The following SH3PXD2A variants were observed in gnomAD, a reference collection of about 807,000 sequenced individuals.
The protein encoded by SH3PXD2A is SH3 and PX domains 2A, also known as SH3 and PX domain-containing protein 2A.
SH3PXD2A carries 32 observed loss-of-function variants against 115.2 expected under a neutral mutation model. That is an observed-to-expected ratio of 0.28 (90% confidence interval 0.21 to 0.37). SH3PXD2A has a LOEUF of 0.37. Among genes scored for constraint, SH3PXD2A ranks in the 10% least tolerant of loss-of-function variants. The probability of loss-of-function intolerance (pLI) is 1.00; values close to 1 mark genes in which losing one functional copy is unlikely to be tolerated. For synonymous variants in SH3PXD2A, 610 were observed against 629.1 expected, an observed-to-expected ratio of 0.97 and a Z score of 0.45; for missense variants, 1,328 against 1,498.7, an observed-to-expected ratio of 0.89 and a Z score of 1.88.
chr10:103,719,170 T>A (rs2038146079), intron 5 of SH3PXD2A, among the ~76,000 whole-genome samples: 1 of 152,234 alleles, frequency 6.6e-6, no homozygotes, highest in Admixed American at 6.5e-5. Flanking sequence ...CTGAACAGAC[T>A]GACACACACC....
chr10:103,612,754 G>T, intron 12 of SH3PXD2A, 99 bp downstream of exon 12: 2 of 756,584 alleles, frequency 2.6e-6, no homozygotes, highest in East Asian at 2.8e-5. Context: ...GGAGGAAAAC[G>T]CCATGGGGGT....
intron 11 of SH3PXD2A, among the ~76,000 whole-genome samples, chr10:103,613,729 C>A (rs113145697): frequency 2.0e-5 from 3 of 152,266 alleles, no homozygotes; most frequent in African/African-American, 7.2e-5. Context: ...GTCTCTTTTG[C>A]AAGATGCAGG....
chr10:103,624,581 A>G (rs978341933), intron 9 of SH3PXD2A, among the ~76,000 whole-genome samples: 7 of 152,214 alleles, frequency 4.6e-5, no homozygotes, highest in Non-Finnish European at 7.3e-5. Context: ...ATGAACATAC[A>G]TCAAAGTGTC....
At chr10:103,722,580 G>C (rs1370639732) in intron 5 of SH3PXD2A, among the ~76,000 whole-genome samples, 1 of 150,752 alleles carries the variant, frequency 6.6e-6, no homozygotes, top group Non-Finnish European at 1.5e-5. Flanking sequence ...GGGATTACAG[G>C]TGTGAGCCAA....
intron 5 of SH3PXD2A, among the ~76,000 whole-genome samples, chr10:103,722,043 C>T (rs767353431): frequency 2.0e-5 from 3 of 151,916 alleles, no homozygotes; most frequent in Non-Finnish European, 1.5e-5. Context: ...TTGCTTATGC[C>T]TATAATCCCA....
chr10:103,697,318 T>G (rs1175193161), intron 5 of SH3PXD2A, among the ~76,000 whole-genome samples: 2 of 152,180 alleles, frequency 1.3e-5, no homozygotes, highest in Admixed American at 1.3e-4. Flanking sequence ...TTGTCTTTGT[T>G]GTTATTCTTT....
intron 3 of SH3PXD2A, among the ~76,000 whole-genome samples, chr10:103,739,640 A>C (rs1278966467): frequency 6.6e-6 from 1 of 152,200 alleles, no homozygotes; most frequent in Non-Finnish European, 1.5e-5. Context: ...TCTTGTAAAT[A>C]TAGTGCAGCC....
At chr10:103,634,422 A>G (rs1365690799) in intron 8 of SH3PXD2A, among the ~76,000 whole-genome samples, 1 of 152,196 alleles carries the variant, frequency 6.6e-6, no homozygotes, top group Admixed American at 6.5e-5. Flanking sequence ...GACTTTATTC[A>G]CACTTCGAGG....
At chr10:103,690,245 T>C (rs1230190378) in intron 6 of SH3PXD2A, among the ~76,000 whole-genome samples, 2 of 152,110 alleles carry the variant, frequency 1.3e-5, no homozygotes, top group East Asian at 1.9e-4. Context: ...CCAGGGGAGC[T>C]TTCTAGGTGG....
chr10:103,629,009 A>G (rs2036739502), intron 8 of SH3PXD2A, among the ~76,000 whole-genome samples: 1 of 152,214 alleles, frequency 6.6e-6, no homozygotes, highest in South Asian at 2.1e-4. Flanking sequence ...ATTGGAGCCT[A>G]AGCAGGCTGG....
Position 103,596,663 on chromosome 10 carries a change from A to ACACACACACACACTCTCTCTCTCT in SH3PXD2A, c.*5152_*5153insAGAGAGAGAGAGTGTGTGTGTGTG. 4 of 124,436 alleles carry ACACACACACACACTCTCTCTCTCT rather than the reference A, an allele frequency of 3.2e-5. No homozygotes were observed. The highest frequency in any genetic ancestry group is 1.3e-4 in the African/African-American group (4 of 31,674). 7.7% of individuals were successfully genotyped at this position (124,436 alleles called of 1,614,324 possible). ...CACACACACACACACACACACACAC[A>ACACACACACACACTCTCTCTCTCT]CTCTCTCTCTCTCTCTCTCTCTCAC... is the stretch of plus-strand genomic sequence containing the variant. On this transcript the variant is annotated 3_prime_UTR_variant, in exon 15 of 15. Transcript: ENST00000369774.
At chr10:103,796,125 C>G (rs529844258) in intron 2 of SH3PXD2A, among the ~76,000 whole-genome samples, 3 of 151,670 alleles carry the variant, frequency 2.0e-5, no homozygotes, top group African/African-American at 7.3e-5. Context: ...TTTGGAAGAC[C>G]GAGGCGGAAG....
chr10:103,843,887 A>G (rs770747040), intron 1 of SH3PXD2A, among the ~76,000 whole-genome samples: 26 of 152,130 alleles, frequency 1.7e-4, no homozygotes, highest in Non-Finnish European at 3.1e-4. Context: ...AACACAGATG[A>G]TGACCAGGGT....
At chr10:103,712,115 G>A (rs1031871023) in intron 5 of SH3PXD2A, among the ~76,000 whole-genome samples, 6 of 152,012 alleles carry the variant, frequency 3.9e-5, no homozygotes, top group African/African-American at 1.4e-4. Context: ...AAGGGAGATG[G>A]AACTGCTCTA....
intron 3 of SH3PXD2A, among the ~76,000 whole-genome samples, chr10:103,762,789 C>T (rs898899572): frequency 2.0e-5 from 3 of 152,174 alleles, no homozygotes; most frequent in African/African-American, 4.8e-5. Flanking sequence ...AGTTCCCCTA[C>T]AAAATTTTCT....
chr10:103,699,721 C>T (rs943457056), intron 5 of SH3PXD2A, among the ~76,000 whole-genome samples: 4 of 152,174 alleles, frequency 2.6e-5, no homozygotes, highest in African/African-American at 9.6e-5. Context: ...GACAGAGGGG[C>T]CTGCAGGCCA....
At chr10:103,636,498 G>C (rs565648498) in intron 8 of SH3PXD2A, among the ~76,000 whole-genome samples, 2 of 152,126 alleles carry the variant, frequency 1.3e-5, no homozygotes, top group Admixed American at 1.3e-4. Flanking sequence ...GAGTGAGCCA[G>C]ACAGAGCAAG....
intron 6 of SH3PXD2A, 91 bp from the exon 7 acceptor site, chr10:103,668,743 G>T: frequency 8.4e-7 from 1 of 1,192,648 alleles, no homozygotes; most frequent in Non-Finnish European, 1.2e-6. Context: ...GTGAGTGGCT[G>T]CAGGCGCCGC....
At chr10:103,713,326 C>T (rs1044725049) in intron 5 of SH3PXD2A, among the ~76,000 whole-genome samples, 4 of 152,160 alleles carry the variant, frequency 2.6e-5, no homozygotes, top group Admixed American at 6.5e-5. Context: ...ATGCTTGGAC[C>T]ACTGCAATAG....
Sources: gnomAD v4.1 joint callset for allele counts (sites outside exome capture counted in the v4.1 genomes callset) on GRCh38, gnomAD v4.1.1 for gene constraint, MANE v1.5 for transcripts, NCBI Gene and HGNC (gene_info 2026-07-23, HGNC 2026-07-21) for gene names.